Variants in DNAI2 observed in about 807,000 individuals in gnomAD.
DNAI2 encodes the protein dynein axonemal intermediate chain 2.
A neutral mutation model predicts 74.7 loss-of-function variants in DNAI2; 63 were observed. The observed-to-expected ratio is 0.84, with a 90% CI of 0.69 to 1.04. DNAI2 has a LOEUF of 1.04. DNAI2 is among the 50% of genes least tolerant of loss of function. The pLI, the probability that DNAI2 is intolerant of heterozygous loss-of-function variation, is 0.00. For missense variants in DNAI2, 688 were observed against 803.2 expected (o/e 0.86, Z 1.73); for synonymous variants, 289 against 314.9 (o/e 0.92, Z 0.87).
In DNAI2 at chr17:74,314,726, C is replaced by T; in HGVS notation, c.*193C>T. On this transcript the variant is annotated 3_prime_UTR_variant, in exon 14 of 14. Coordinates refer to ENST00000311014, the MANE Select transcript of DNAI2 (RefSeq NM_023036.6). ...GAAAGTCTGTCCACTTTGAAAATAC[C>T]TTTCCAGGCAGCTCCCTGACCATTT... 1.0e-5 allele frequency: 2 copies of T among 196,050 alleles called. No homozygotes were observed. Among genetic ancestry groups the T allele is most frequent in the South Asian group, 2.0e-4 (2 of 9,764 alleles). The allele number at this position is 196,050 out of a possible 1,614,324, so 12.1% of individuals were successfully genotyped here.
intron 9 of DNAI2, chr17:74,307,240 G>C (rs1049935946): frequency 2.6e-5 from 12 of 456,140 alleles, no homozygotes; most frequent in African/African-American, 2.4e-4. Flanking sequence ...GAAAGGAGCA[G>C]GGTGTCGAGC....
rs569296312 is a variant in DNAI2, at chr17:74,304,536, C to T, written c.988-683C>T. ...TGATGGAGGGGGTCATGCTCAGAGA[C>T]GCGAGGGGAGCACTGGACCAGGAGT... On this transcript the variant is annotated intron_variant, in intron 8 of 13. Transcript: ENST00000311014. Among the ~76,000 whole-genome samples, 10 of 152,230 alleles carry T rather than the reference C, an allele frequency of 6.6e-5. No individual in the cohort carries two copies. In the South Asian group the frequency reaches 1.0e-3, roughly 16 times the overall value.
chr17:74,286,174 T>C, intron 3 of DNAI2, among the ~76,000 whole-genome samples: 1 of 151,396 alleles, frequency 6.6e-6, no homozygotes, highest in East Asian at 2.0e-4. Context: ...CACATGCCTG[T>C]AGTCCCAGCT....
chr17:74,281,860 G>A lies in DNAI2; in HGVS notation c.43G>A (p.Gly15Arg), dbSNP rs758997612. 1.2e-5 allele frequency: 20 copies of A among 1,614,006 alleles called. No homozygotes were observed. The highest frequency in any genetic ancestry group is 1.7e-5 in the Admixed American group (1 of 59,990). ...GTACGTCAAGAAGCGCAGCGAGTTCGGGAAGCAGTGCAATTTCTCGGACCG... is the reference window on the plus strand; with the variant it reads ...GTACGTCAAGAAGCGCAGCGAGTTCAGGAAGCAGTGCAATTTCTCGGACCG... Reference protein sequence around the residue: ...YVYVKKRSEFGKQCNFSDRQA... With the variant: ...YVYVKKRSEFRKQCNFSDRQA... Residue 15 changes from glycine to arginine, a missense_variant, in exon 2 of 14, where the codon GGG becomes AGG. Coordinates refer to ENST00000311014, the MANE Select transcript of DNAI2 (RefSeq NM_023036.6).
At chr17:74,309,895 G>A in intron 10 of DNAI2, 122 bp from the exon 11 acceptor site, 6 of 1,305,318 alleles carry the variant, frequency 4.6e-6, no homozygotes, top group Non-Finnish European at 6.6e-6. Context: ...CCTGTGGGCA[G>A]AGGCGTCCTG....
At position 74,300,708 on chromosome 17, in the gene DNAI2, T is replaced by G. The variant is rs1003183850; in HGVS notation, c.865-338T>G. On this transcript the variant is annotated intron_variant, in intron 7 of 13. Coordinates refer to ENST00000311014, the MANE Select transcript of DNAI2 (RefSeq NM_023036.6). The surrounding 1 kb of genome is among the most constrained non-coding windows in gnomAD (Gnocchi z 4.5). ...TGGGACTTCTAGGTCGGAGCACACA[T>G]GCATTTTTAACATTGCCGGATATTG... Among the ~76,000 whole-genome samples the G allele has an allele frequency of 6.6e-6, 1 of 152,204 alleles. No homozygotes were observed. Among genetic ancestry groups the G allele is most frequent in the Non-Finnish European group, 1.5e-5 (1 of 68,036 alleles).
At chr17:74,284,500 C>T (rs2051585843) in intron 2 of DNAI2, among the ~76,000 whole-genome samples, 1 of 152,116 alleles carries the variant, frequency 6.6e-6, no homozygotes, top group Non-Finnish European at 1.5e-5. Flanking sequence ...GCAACCTCTG[C>T]CTCCCAGGTT....
chr17:74,305,219 C>A lies in DNAI2; in HGVS notation c.988C>A (p.Pro330Thr), dbSNP rs1239903856. 2 of 1,614,054 alleles carry A rather than the reference C, an allele frequency of 1.2e-6. No individual in the cohort carries two copies. Among genetic ancestry groups the A allele is most frequent in the Non-Finnish European group, 8.5e-7 (1 of 1,180,032 alleles). The change falls in exon 9 of 14, where the codon CCC (proline) becomes ACC (threonine). Residue 330 changes from proline to threonine, a missense_variant and splice_region_variant. By Grantham distance (38) the Pro-to-Thr change is conservative (BLOSUM62 -1). Transcript: ENST00000311014. The part of the protein sequence containing the change: ...AISLEFESTL[P>T]TKFMVGTEQG... ...CCCTCCTGTGTCACTCCTTCCACAG[C>A]CCACCAAGTTCATGGTGGGGACCGA...
intron 6 of DNAI2, among the ~76,000 whole-genome samples, chr17:74,295,025 T>TC (rs1330603542): frequency 6.6e-6 from 1 of 152,132 alleles, no homozygotes; most frequent in Non-Finnish European, 1.5e-5. Flanking sequence ...AAATATGCCA[T>TC]CCTGTAGCTT....
chr17:74,277,161 C>T (rs1391944113), intron 1 of DNAI2, among the ~76,000 whole-genome samples: 3 of 152,100 alleles, frequency 2.0e-5, no homozygotes, highest in South Asian at 2.1e-4. Flanking sequence ...CCGAGGTGGG[C>T]GGATCACTTG....
chr17:74,281,698 C>T, intron 1 of DNAI2, 109 bp from the exon 2 acceptor site: 2 of 1,115,838 alleles, frequency 1.8e-6, no homozygotes, highest in Non-Finnish European at 2.6e-6. Context: ...CCACCCCTTG[C>T]TTCCTGCCCC....
intron 10 of DNAI2, 145 bp from the exon 11 acceptor site, chr17:74,309,872 G>C (rs1016771100): frequency 3.7e-6 from 4 of 1,083,752 alleles, no homozygotes; most frequent in Non-Finnish European, 5.6e-6. Context: ...CAGTCTCCGA[G>C]TTTGAACTTC....
chr17:74,281,929 G>C lies in DNAI2; in HGVS notation c.112G>C (p.Ala38Pro). ...CGACATCATGCCCAACCCTGAGCTGGCCGAGCAGTTCGTGGAGCGGAACCC... is the reference window on the plus strand; with the variant it reads ...CGACATCATGCCCAACCCTGAGCTGCCCGAGCAGTTCGTGGAGCGGAACCC... ...NIDIMPNPEL[A>P]EQFVERNPVD... Residue 38 changes from alanine (A) to proline (P), a missense_variant, in exon 2 of 14, where the codon GCC (alanine) becomes CCC (proline). By Grantham distance (27) the Ala-to-Pro change is conservative. Transcript: ENST00000311014. 6.2e-7 allele frequency: 1 copy of C among 1,614,184 alleles called. No homozygotes were observed. The highest frequency in any genetic ancestry group is 8.5e-7 in the Non-Finnish European group (1 of 1,180,030).
Position 74,310,090 on chromosome 17 carries a change from G to A in DNAI2, c.1421G>A (p.Gly474Glu). The change falls in exon 11 of 14, where the codon GGG becomes GAG. Residue 474 changes from glycine (G) to glutamate (E), a missense_variant. Physicochemically the swap from Gly to Glu is moderately conservative, Grantham distance 98. Coordinates refer to ENST00000311014, the MANE Select transcript of DNAI2 (RefSeq NM_023036.6). ...CTCATCGCCTGCGGCTCCCAGCTGGGGACAACCACCCTGCTGGAGGTCTCG... is the reference window on the plus strand; with the variant it reads ...CTCATCGCCTGCGGCTCCCAGCTGGAGACAACCACCCTGCTGGAGGTCTCG... ...GCLIACGSQLGTTTLLEVSPG... is the reference protein window; with the variant it reads ...GCLIACGSQLETTTLLEVSPG... 1 of 1,613,880 alleles carries A rather than the reference G, an allele frequency of 6.2e-7. No homozygotes were observed. Among genetic ancestry groups the A allele is most frequent in the Non-Finnish European group, 8.5e-7 (1 of 1,180,038 alleles).
chr17:74,314,386 C>G, intron 13 of DNAI2, 115 bp downstream of exon 13: 7 of 1,342,924 alleles, frequency 5.2e-6, no homozygotes, highest in Non-Finnish European at 7.3e-6. Context: ...CTAGCCCCCA[C>G]TGACTCACTG....
chr17:74,306,954 CA>C (rs2053225204), intron 9 of DNAI2, among the ~76,000 whole-genome samples: 1 of 152,206 alleles, frequency 6.6e-6, no homozygotes, highest in Non-Finnish European at 1.5e-5. Context: ...TTCTCAGCCC[CA>C]ACCCTGGGGG....
At position 74,301,031 on chromosome 17, in the gene DNAI2, C is replaced by T. The variant is rs201457679; in HGVS notation, c.865-15C>T. 138 of 1,613,462 alleles carry T rather than the reference C, an allele frequency of 8.6e-5. No individual in the cohort carries two copies. The highest frequency in any genetic ancestry group is 1.1e-4 in the Non-Finnish European group (127 of 1,179,774). On this transcript the variant is annotated splice_polypyrimidine_tract_variant and intron_variant, in intron 7 of 13. Transcript: ENST00000311014. Reference sequence around the variant, plus strand: ...CAGGGCCTCGAAGTCTCACTGTCGCCCCTCCTCCCACCAGGTCATGTGGTG... The same window carrying T: ...CAGGGCCTCGAAGTCTCACTGTCGCTCCTCCTCCCACCAGGTCATGTGGTG...
chr17:74,282,089 G>C (rs2051428672), intron 2 of DNAI2, 89 bp downstream of exon 2: 1 of 1,502,066 alleles, frequency 6.7e-7, no homozygotes, highest in African/African-American at 1.4e-5. Context: ...GTGGGTCCTT[G>C]TCCACCTGAA....
At chr17:74,279,363 G>T (rs1233029009) in intron 1 of DNAI2, among the ~76,000 whole-genome samples, 1 of 151,910 alleles carries the variant, frequency 6.6e-6, no homozygotes, top group Non-Finnish European at 1.5e-5. Context: ...AAGGATAAAT[G>T]CTTGAGGGGA....
Sources: gnomAD v4.1 joint callset for allele counts (sites outside exome capture counted in the v4.1 genomes callset) on GRCh38, gnomAD v4.1.1 for gene constraint, Gnocchi (gnomAD v3.1) non-coding constraint, MANE v1.5 for transcripts, NCBI Gene and HGNC (gene_info 2026-07-23, HGNC 2026-07-21) for gene names.